PCDHGA5: variants seen among roughly 807,000 people sequenced by gnomAD.
PCDHGA5 encodes the protein protocadherin gamma subfamily A, 5.
In PCDHGA5, 36 loss-of-function variants were observed where a neutral mutation model predicts 56.7. That is an observed-to-expected ratio of 0.64 (90% CI 0.49 to 0.84). The LOEUF is 0.84. Ranked by LOEUF, PCDHGA5 falls within the 40% of genes least tolerant of loss-of-function variation. The pLI is 0.00. For synonymous variants in PCDHGA5, 563 were observed against 520.2 expected (o/e 1.08, Z -1.12); for missense variants, 1,305 against 1,201.5 (o/e 1.09, Z -1.27).
chr5:141,431,907 T>A lies in PCDHGA5; in HGVS notation c.2422-62900T>A, dbSNP rs2097427946. 2 of 1,613,964 alleles carry A rather than the reference T, an allele frequency of 1.2e-6. No homozygotes were observed. Among genetic ancestry groups the A allele is most frequent in the South Asian group, 2.2e-5 (2 of 91,086 alleles). Reference sequence around the variant, plus strand: ...GATTCTGAGGAAAACGGACAGGTGATCTGTTTCATCCAAGGAAATCTGCCC... The same window carrying A: ...GATTCTGAGGAAAACGGACAGGTGAACTGTTTCATCCAAGGAAATCTGCCC... On this transcript the variant is annotated intron_variant, in intron 1 of 3. Transcript: ENST00000518069. This position sits in a 1 kb window ranked among gnomAD's most constrained non-coding sequence, Gnocchi z 4.8.
intron 1 of PCDHGA5, among the ~76,000 whole-genome samples, chr5:141,461,739 C>T (rs1048636018): frequency 3.9e-5 from 6 of 152,134 alleles, no homozygotes; most frequent in Non-Finnish European, 7.4e-5. Context: ...GGCACAATCC[C>T]GGCTCCCAGA....
At chr5:141,422,348 A>G (rs1163115969) in intron 1 of PCDHGA5, 1 of 1,554,608 alleles carries the variant, frequency 6.4e-7, no homozygotes, top group Non-Finnish European at 8.7e-7. Context: ...AATGTGCAAG[A>G]TCAAGATTCT....
intron 1 of PCDHGA5, chr5:141,408,623 G>T: frequency 6.2e-7 from 1 of 1,614,004 alleles, no homozygotes; most frequent in Non-Finnish European, 8.5e-7. Context: ...AATACATTTA[G>T]AAATTTTCGA....
In PCDHGA5 at chr5:141,491,789, T is replaced by G; in HGVS notation, c.2422-3018T>G. The G allele has an allele frequency of 6.6e-7, 1 of 1,525,854 alleles. No individual in the cohort carries two copies. Among genetic ancestry groups the G allele is most frequent in the Non-Finnish European group, 8.8e-7 (1 of 1,137,340 alleles). The allele number at this position is 1,525,854 out of a possible 1,614,324, so 94.5% of individuals were successfully genotyped here. ...CATAAGGGATTGAACTTGCATCCAC[T>G]CCTCTCCGGCCGGCTTGGTCGCTGG... On this transcript the variant is annotated intron_variant, in intron 1 of 3. Transcript: ENST00000518069. The surrounding 1 kb of genome is among the most constrained non-coding windows in gnomAD (Gnocchi z 6.9).
At position 141,485,320 on chromosome 5, in the gene PCDHGA5, T is replaced by G; in HGVS notation, c.2422-9487T>G. The G allele has an allele frequency of 6.2e-7, 1 of 1,614,114 alleles. No individual in the cohort carries two copies. The highest frequency in any genetic ancestry group is 8.5e-7 in the Non-Finnish European group (1 of 1,180,018). ...AAGGGACTTTTGTAGGGAATGTCGC[T>G]CAAGATTTCCTGCTGGATACGGACA... is the stretch of plus-strand genomic sequence containing the variant. On this transcript the variant is annotated intron_variant, in intron 1 of 3. Transcript: ENST00000518069. The surrounding 1 kb of genome is among the most constrained non-coding windows in gnomAD (Gnocchi z 5.7).
At chr5:141,430,713 T>G in intron 1 of PCDHGA5, 1 of 1,481,944 alleles carries the variant, frequency 6.7e-7, no homozygotes, top group Non-Finnish European at 9.0e-7. Context: ...GCTCCTGACT[T>G]CAGTGGTTAA....
chr5:141,389,993 G>GCTCT (rs1379154076), intron 1 of PCDHGA5: 4 of 1,614,016 alleles, frequency 2.5e-6, no homozygotes, highest in Non-Finnish European at 2.5e-6. Flanking sequence ...TCTTCCTCGT[G>GCTCT]GCCATGATTC....
At chr5:141,449,920 A>G (rs1287640011) in intron 1 of PCDHGA5, among the ~76,000 whole-genome samples, 1 of 151,842 alleles carries the variant, frequency 6.6e-6, no homozygotes, top group East Asian at 1.9e-4. Context: ...TTTAAATTCT[A>G]CCATACCTTA....
intron 1 of PCDHGA5, chr5:141,370,212 C>T (rs1028005275): frequency 4.8e-5 from 27 of 562,604 alleles, no homozygotes; most frequent in Middle Eastern, 4.6e-4. Context: ...ATATTGGCTC[C>T]TCCCGCTGCA....
At chr5:141,467,208 A>G (rs1272958649) in intron 1 of PCDHGA5, among the ~76,000 whole-genome samples, 1 of 152,064 alleles carries the variant, frequency 6.6e-6, no homozygotes, top group East Asian at 1.9e-4. Flanking sequence ...ACATGCCACC[A>G]TGCCTGGCTA....
intron 1 of PCDHGA5, chr5:141,420,315 A>G (rs755723069): frequency 6.2e-6 from 9 of 1,440,144 alleles, no homozygotes; most frequent in Non-Finnish European, 8.4e-6. Context: ...TTATATTACA[A>G]TATGCCAATA....
In PCDHGA5 at chr5:141,417,886, C is replaced by G. The variant is rs1330007520; in HGVS notation, c.2421+51135C>G. Reference sequence around the variant, plus strand: ...TGGGAGGGAGCTGCGCGCAGAGGCGCCGGGCCGGCCCGCGGCAGGTACTAT... The same window carrying G: ...TGGGAGGGAGCTGCGCGCAGAGGCGGCGGGCCGGCCCGCGGCAGGTACTAT... On this transcript the variant is annotated intron_variant, in intron 1 of 3. Transcript: ENST00000518069. The G allele has an allele frequency of 9.0e-6, 14 of 1,563,624 alleles. No individual in the cohort carries two copies. The African/African-American group carries it at 1.9e-4, about 21-fold the overall frequency.
chr5:141,374,277 G>A, intron 1 of PCDHGA5: 4 of 1,613,958 alleles, frequency 2.5e-6, no homozygotes, highest in Non-Finnish European at 3.4e-6. Context: ...CACGGAGTCC[G>A]CATCGTCTCC....
chr5:141,455,314 T>G (rs565911988), intron 1 of PCDHGA5, among the ~76,000 whole-genome samples: 15 of 152,208 alleles, frequency 9.9e-5, no homozygotes, highest in African/African-American at 3.4e-4. Flanking sequence ...ATTAGCAATT[T>G]TGTGTGTGTG....
chr5:141,457,868 G>T lies in PCDHGA5; in HGVS notation c.2422-36939G>T, dbSNP rs1479066479. ...AAAGTGACATTCTTCACTGACCACA[G>T]GTTAGGAACCCTGTGTGGGGACTGT... On this transcript the variant is annotated intron_variant, in intron 1 of 3. Transcript: ENST00000518069. Among the ~76,000 whole-genome samples the T allele has an allele frequency of 2.0e-5, 3 of 152,346 alleles. No individual in the cohort carries two copies. In the East Asian group the frequency reaches 5.8e-4, roughly 29 times the overall value.
intron 1 of PCDHGA5, among the ~76,000 whole-genome samples, chr5:141,438,581 TACATAC>T (rs2097977343): frequency 4.0e-5 from 2 of 49,846 alleles, no homozygotes; most frequent in Non-Finnish European, 6.5e-5. Flanking sequence ...TATACATACA[TACATAC>T]ATACATATAT....
chr5:141,372,076 T>C (rs1768385368), intron 1 of PCDHGA5: 4 of 1,613,690 alleles, frequency 2.5e-6, no homozygotes, highest in Non-Finnish European at 2.5e-6. Context: ...AATGCACCGC[T>C]GGTGCTGTAC....
chr5:141,410,714 T>C (rs1561730445), intron 1 of PCDHGA5: 7 of 1,434,512 alleles, frequency 4.9e-6, no homozygotes, highest in Middle Eastern at 1.8e-4. Flanking sequence ...TAGAATCATA[T>C]GTTTAAAATC....
At chr5:141,372,283 G>A (rs749946527) in intron 1 of PCDHGA5, 5 of 1,613,198 alleles carry the variant, frequency 3.1e-6, no homozygotes, top group Non-Finnish European at 4.2e-6. Context: ...CGCACGGCGC[G>A]TACCTTGGGC....
Sources: gnomAD v4.1 joint callset for allele counts (sites outside exome capture counted in the v4.1 genomes callset) on GRCh38, gnomAD v4.1.1 for gene constraint, Gnocchi (gnomAD v3.1) non-coding constraint, MANE v1.5 for transcripts, NCBI Gene and HGNC (gene_info 2026-07-23, HGNC 2026-07-21) for gene names.